Variants in ESR1 observed in about 807,000 individuals in gnomAD.
ESR1 encodes estrogen receptor 1, also known as estrogen receptor.
In ESR1, 12 loss-of-function variants were observed where a neutral mutation model predicts 52.7. The ratio of observed to expected loss-of-function variants is 0.23; its 90% confidence interval spans 0.15 to 0.37. The LOEUF is 0.37. ESR1 is among the 10% of genes least tolerant of loss of function. The pLI is 1.00. For missense variants in ESR1, 584 were observed against 779.7 expected, an observed-to-expected ratio of 0.75 and a Z score of 2.99; for synonymous variants, 305 against 316.8, an observed-to-expected ratio of 0.96 and a Z score of 0.39.
intron 4 of ESR1, among the ~76,000 whole-genome samples, chr6:151,978,652 G>A (rs117095842): frequency 6.6e-6 from 1 of 152,240 alleles, no homozygotes; most frequent in East Asian, 1.9e-4. Context: ...GTTAAAGGAA[G>A]AGGCAAGCAG....
At chr6:152,097,264 A>G (rs926041646) in intron 7 of ESR1, among the ~76,000 whole-genome samples, 2 of 152,158 alleles carry the variant, frequency 1.3e-5, no homozygotes, top group Non-Finnish European at 2.9e-5. Context: ...TTGTTAAGTA[A>G]GCTTGGCCCC....
chr6:151,809,323 C>T (rs529185577), intron 1 of ESR1: 2 of 302,468 alleles, frequency 6.6e-6, no homozygotes, highest in African/African-American at 2.3e-5. Context: ...TTCTTTCTCC[C>T]TCTCCTCTCC....
intron 3 of ESR1, among the ~76,000 whole-genome samples, chr6:151,886,150 CT>C (rs1202494955): frequency 1.3e-5 from 2 of 151,164 alleles, no homozygotes; most frequent in African/African-American, 4.9e-5. Context: ...AACACCTAAG[CT>C]TTTTTTTCTT....
intron 1 of ESR1, among the ~76,000 whole-genome samples, chr6:151,701,395 G>A (rs547833210): frequency 2.0e-5 from 3 of 151,822 alleles, no homozygotes; most frequent in Admixed American, 6.6e-5. Context: ...CGGGCGTGGT[G>A]GTGTGCGCCT....
At position 152,054,106 on chromosome 6, in the gene ESR1, T is replaced by G. The variant is rs541078892; in HGVS notation, c.1236-6885T>G. Reference sequence around the variant, plus strand: ...AAAAAAACTCATCAAATTGATATATTTAGCGCTGTCCCTCTCTCAAGTTTC... The same window carrying G: ...AAAAAAACTCATCAAATTGATATATGTAGCGCTGTCCCTCTCTCAAGTTTC... On this transcript the variant is annotated intron_variant, in intron 5 of 7. Coordinates refer to ENST00000206249, the MANE Select transcript of ESR1 (RefSeq NM_000125.4). Among the ~76,000 whole-genome samples the G allele has an allele frequency of 2.0e-5, 3 of 152,244 alleles. No homozygotes were observed. In the East Asian group the frequency reaches 5.8e-4, roughly 29 times the overall value.
chr6:151,934,756 A>G (rs565384811), intron 3 of ESR1, among the ~76,000 whole-genome samples: 96 of 152,344 alleles, frequency 6.3e-4, no homozygotes, highest in Non-Finnish European at 1.1e-3. Context: ...AATTATTTTT[A>G]AAAAAGAATT....
chr6:151,889,494 C>G (rs1005184463), intron 3 of ESR1, among the ~76,000 whole-genome samples: 1 of 152,246 alleles, frequency 6.6e-6, no homozygotes, highest in Non-Finnish European at 1.5e-5. Context: ...TCTGTGCTAT[C>G]AGTTGTAATG....
intron 2 of ESR1, among the ~76,000 whole-genome samples, chr6:151,870,095 A>G (rs1329529621): frequency 6.6e-6 from 1 of 152,204 alleles, no homozygotes; most frequent in Admixed American, 6.5e-5. Context: ...TCACTTTAAT[A>G]TGTGAGTCAA....
At chr6:151,812,207 T>A (rs1778936767) in intron 1 of ESR1, among the ~76,000 whole-genome samples, 2 of 152,122 alleles carry the variant, frequency 1.3e-5, no homozygotes, top group Admixed American at 1.3e-4. Flanking sequence ...CTTTGTTAAG[T>A]GAGATTGTAT....
intron 4 of ESR1, among the ~76,000 whole-genome samples, chr6:151,960,500 C>T (rs1339724132): frequency 1.3e-5 from 2 of 152,062 alleles, no homozygotes; most frequent in Non-Finnish European, 2.9e-5. Flanking sequence ...AGGCAAGTGG[C>T]CCACCAAGTG....
chr6:151,953,735 G>A (rs1378288125), intron 4 of ESR1, among the ~76,000 whole-genome samples: 1 of 151,854 alleles, frequency 6.6e-6, no homozygotes, highest in Non-Finnish European at 1.5e-5. Context: ...AATACAGTGA[G>A]GACCTTGGAG....
chr6:151,800,166 T>C (rs1347642879), upstream of ESR1, among the ~76,000 whole-genome samples: 4 of 152,096 alleles, frequency 2.6e-5, no homozygotes, highest in African/African-American at 9.7e-5. Flanking sequence ...AAATTTTCAA[T>C]GTATATATGA....
chr6:151,896,094 C>T (rs543192287), intron 3 of ESR1, among the ~76,000 whole-genome samples: 28 of 152,272 alleles, frequency 1.8e-4, no homozygotes, highest in East Asian at 9.7e-4. Context: ...CCACAGCGCC[C>T]GGCCAGATTT....
intron 1 of ESR1, among the ~76,000 whole-genome samples, chr6:151,815,578 G>A (rs1779489717): frequency 6.6e-6 from 1 of 152,214 alleles, no homozygotes; most frequent in Admixed American, 6.5e-5. Flanking sequence ...CTGGAAGAAT[G>A]TGGGAAGTTT....
At chr6:151,663,821 T>G (rs1379611608) in intron 1 of ESR1, among the ~76,000 whole-genome samples, 1 of 152,190 alleles carries the variant, frequency 6.6e-6, no homozygotes, top group Non-Finnish European at 1.5e-5. Context: ...AAAGCACCTG[T>G]TGTTCCTGAG....
intron 5 of ESR1, among the ~76,000 whole-genome samples, chr6:152,037,231 A>T (rs2045385141): frequency 6.6e-6 from 1 of 152,140 alleles, no homozygotes; most frequent in African/African-American, 2.4e-5. Context: ...GAAGGGAGAG[A>T]GGGGGAGAGA....
At position 151,795,878 on chromosome 6, in the gene ESR1, G is replaced by A. The variant is rs566694029; in HGVS notation, c.-70-11965G>A. Among the ~76,000 whole-genome samples, 3 of 152,100 alleles carry A rather than the reference G, an allele frequency of 2.0e-5. No homozygotes were observed. In the South Asian group the frequency reaches 6.2e-4, roughly 31 times the overall value. ...AAATGACGAAGATGTGGCCGGGTGCGGTGGCTCACGCCTGTAATCCAGCAC... is the reference window on the plus strand; with the variant it reads ...AAATGACGAAGATGTGGCCGGGTGCAGTGGCTCACGCCTGTAATCCAGCAC... On this transcript the variant is annotated intron_variant, in intron 2 of 2. Coordinates refer to the ESR1 transcript ENST00000404742.
At chr6:151,914,273 C>T (rs1246827038) in intron 3 of ESR1, among the ~76,000 whole-genome samples, 6 of 151,490 alleles carry the variant, frequency 4.0e-5, no homozygotes, top group Non-Finnish European at 7.4e-5. Context: ...AAAAAGGCTT[C>T]GGTCTTATTT....
At chr6:151,908,860 T>A (rs1373721747) in intron 3 of ESR1, among the ~76,000 whole-genome samples, 1 of 151,758 alleles carries the variant, frequency 6.6e-6, no homozygotes, top group Non-Finnish European at 1.5e-5. Context: ...GATTTGATGA[T>A]TTTATGTTTA....
Sources: allele counts gnomAD v4.1 joint callset (sites outside exome capture counted in the v4.1 genomes callset), GRCh38; gene constraint gnomAD v4.1.1; transcripts MANE v1.5; gene names NCBI Gene and HGNC (gene_info 2026-07-23, HGNC 2026-07-21).